Variants in SCOC observed in about 807,000 individuals in gnomAD.
SCOC encodes short coiled-coil protein, also known as short coiled coil protein.
Under a neutral mutation model 9.9 loss-of-function variants are expected in SCOC, and 7 were observed. That is an observed-to-expected ratio of 0.71 (90% CI 0.40 to 1.33). The LOEUF is 1.33. Among genes scored for constraint, SCOC ranks in the 40% most tolerant of loss-of-function variants. The probability of loss-of-function intolerance (pLI) is 0.01; values close to 1 mark genes in which losing one functional copy is unlikely to be tolerated. For synonymous variants in SCOC, 19 were observed against 28.2 expected (o/e 0.67, Z 1.03); for missense variants, 66 against 89.7 (o/e 0.74, Z 1.07).
intron 2 of SCOC, chr4:140,366,231 A>T: frequency 2.4e-6 from 2 of 825,814 alleles, no homozygotes; most frequent in Non-Finnish European, 3.1e-6. Flanking sequence ...TTTTCTAATC[A>T]CCTCTTTCTT....
At chr4:140,330,676 G>C (rs1732792601) in intron 1 of SCOC, among the ~76,000 whole-genome samples, 1 of 152,198 alleles carries the variant, frequency 6.6e-6, no homozygotes, top group South Asian at 2.1e-4. Flanking sequence ...TCATGGCTTT[G>C]TTTTCTCAAT....
intron 1 of SCOC, among the ~76,000 whole-genome samples, chr4:140,265,076 A>T (rs1730705792): frequency 6.6e-6 from 1 of 152,170 alleles, no homozygotes; most frequent in Admixed American, 6.5e-5. Flanking sequence ...TGTCTCTTTT[A>T]TATCAGTTAG....
At chr4:140,302,135 G>C (rs1731831471) in intron 1 of SCOC, among the ~76,000 whole-genome samples, 1 of 152,146 alleles carries the variant, frequency 6.6e-6, no homozygotes, top group Admixed American at 6.5e-5. Context: ...CGCCCAGCCA[G>C]GATTTATATT....
At chr4:140,366,238 TC>T in intron 2 of SCOC, 24 of 1,146,620 alleles carry the variant, frequency 2.1e-5, no homozygotes, top group Admixed American at 6.3e-5. Context: ...ATCACCTCTT[TC>T]TTGCCAAACG....
intron 1 of SCOC, among the ~76,000 whole-genome samples, chr4:140,264,009 GT>G (rs1229807993): frequency 1.3e-5 from 2 of 152,090 alleles, no homozygotes; most frequent in South Asian, 2.1e-4. Context: ...TAATTGTTTT[GT>G]TTTTTAAGAG....
intron 2 of SCOC, among the ~76,000 whole-genome samples, chr4:140,352,535 G>A (rs4956358): frequency 0.96 from 145,824 of 152,328 alleles, 69,858 homozygotes; most frequent in East Asian, 0.99. Context: ...AGGGTCACCA[G>A]TGTATTGCTA....
At chr4:140,259,577 C>A (rs79308205) in intron 1 of SCOC, among the ~76,000 whole-genome samples, 15,269 of 152,130 alleles carry the variant, frequency 0.1, 1,290 homozygotes, top group African/African-American at 0.23. Context: ...GTTATCCAGG[C>A]ATGGTAGTGT....
At chr4:140,325,045 A>T (rs1349203698) in intron 1 of SCOC, among the ~76,000 whole-genome samples, 1 of 152,136 alleles carries the variant, frequency 6.6e-6, no homozygotes, top group Admixed American at 6.6e-5. Context: ...TTGTCAGCTG[A>T]TTTTTAACAA....
chr4:140,343,765 A>T (rs1439581211), intron 2 of SCOC: 10 of 1,212,674 alleles, frequency 8.2e-6, no homozygotes, highest in East Asian at 5.0e-5. Flanking sequence ...TCAGTTTTTT[A>T]AAAATATAAC....
At chr4:140,364,912 C>T (rs1727722744) in intron 2 of SCOC, among the ~76,000 whole-genome samples, 1 of 152,036 alleles carries the variant, frequency 6.6e-6, no homozygotes, top group African/African-American at 2.4e-5. Context: ...CTCTTAAGAA[C>T]CCTTAAGCCT....
intron 1 of SCOC, among the ~76,000 whole-genome samples, chr4:140,286,130 G>A (rs1004392719): frequency 6.6e-6 from 1 of 151,766 alleles, no homozygotes; most frequent in African/African-American, 2.4e-5. Context: ...GTTGCAGTGA[G>A]CCAAGATTGA....
At chr4:140,317,635 T>A (rs1732364811) in intron 1 of SCOC, among the ~76,000 whole-genome samples, 1 of 150,940 alleles carries the variant, frequency 6.6e-6, no homozygotes, top group Non-Finnish European at 1.5e-5. Context: ...CCTTCTTTTT[T>A]TTTTTTTTCT....
chr4:140,361,097 T>C (rs1268272641), intron 2 of SCOC: 1 of 152,166 alleles, frequency 6.6e-6, no homozygotes, highest in African/African-American at 2.4e-5. Context: ...TTTTTGCTGG[T>C]ATGCCAAGAG....
rs1728658445 is a variant in SCOC at position 140,384,915 on chromosome 4, A to T, written c.*3811A>T. On this transcript the variant is annotated 3_prime_UTR_variant, in exon 4 of 4. Coordinates refer to ENST00000608372, the MANE Select transcript of SCOC (RefSeq NM_001153484.2). ...CCCTCATGAATGGGATTGTGTCATT[A>T]AAAGAAACCCCAGAGAGCTCTCTTT... The T allele has an allele frequency of 6.6e-6, 1 of 152,202 alleles. No individual in the cohort carries two copies. The allele number at this position is 152,202 out of a possible 1,614,324, so 9.4% of individuals were successfully genotyped here.
chr4:140,265,741 A>G (rs1254655683), intron 1 of SCOC, among the ~76,000 whole-genome samples: 1 of 152,236 alleles, frequency 6.6e-6, no homozygotes, highest in Non-Finnish European at 1.5e-5. Flanking sequence ...CTTTAGCTTT[A>G]GGTTAAACTT....
At chr4:140,340,972 T>G (rs528578364), upstream of SCOC, among the ~76,000 whole-genome samples, 3 of 151,612 alleles carry the variant, frequency 2.0e-5, no homozygotes, top group South Asian at 2.1e-4. Context: ...TTTGTATTTT[T>G]TTTTTAGTAG....
At chr4:140,295,259 A>G (rs1337828061) in intron 1 of SCOC, among the ~76,000 whole-genome samples, 1 of 152,086 alleles carries the variant, frequency 6.6e-6, no homozygotes, top group East Asian at 1.9e-4. Context: ...AGGAGCTTAC[A>G]TCTGATATCT....
At chr4:140,362,273 C>CTGTTCTTCCTGTTCTTCTT in intron 2 of SCOC, among the ~76,000 whole-genome samples, 1 of 29,076 alleles carries the variant, frequency 3.4e-5, no homozygotes, top group African/African-American at 1.2e-4. Context: ...ACAGGTGTGT[C>CTGTTCTTCCTGTTCTTCTT]CTTACTTCTT....
At chr4:140,266,607 G>C (rs1016847536) in intron 1 of SCOC, among the ~76,000 whole-genome samples, 1 of 152,024 alleles carries the variant, frequency 6.6e-6, no homozygotes, top group Non-Finnish European at 1.5e-5. Context: ...TCTAACATGG[G>C]GATGGGGCCT....
Sources: allele counts gnomAD v4.1 joint callset (sites outside exome capture counted in the v4.1 genomes callset), GRCh38; gene constraint gnomAD v4.1.1; transcripts MANE v1.5; gene names NCBI Gene and HGNC (gene_info 2026-07-23, HGNC 2026-07-21).